The following CPA5 variants were observed in gnomAD, a reference collection of about 807,000 sequenced individuals.
The protein encoded by CPA5 is carboxypeptidase A5.
Under a neutral mutation model 52.2 loss-of-function variants are expected in CPA5, and 38 were observed. That is an observed-to-expected ratio of 0.73 (90% CI 0.56 to 0.95). The LOEUF is 0.95. Ranked by LOEUF, CPA5 falls within the 40% of genes least tolerant of loss-of-function variation. The pLI is 0.00. For missense variants in CPA5, 519 were observed against 566.7 expected (o/e 0.92, Z 0.86); for synonymous variants, 198 against 213.7 (o/e 0.93, Z 0.64).
chr7:130,350,203 A>T (rs1795045230), intron 5 of CPA5, 94 bp downstream of exon 5: 2 of 1,375,940 alleles, frequency 1.5e-6, no homozygotes, highest in East Asian at 4.7e-5. Flanking sequence ...AAAAGTGGAC[A>T]TGTGGTTTCT....
In CPA5 at chr7:130,362,484, G is replaced by T; in HGVS notation, c.581G>T (p.Gly194Val). ...SRHPAIWIDTGIHSREWITHA... is the reference protein window; with the variant it reads ...SRHPAIWIDTVIHSREWITHA... ...CACCCAGCCATCTGGATTGACACTG[G>T]AATTCACTCCCGGGAGTGGATCACC... Residue 194 changes from glycine to valine, a missense_variant, in exon 8 of 13, where the codon GGA becomes GTA. Physicochemically the swap from Gly to Val is moderately radical, Grantham distance 109. Coordinates refer to ENST00000474905, the MANE Select transcript of CPA5 (RefSeq NM_080385.5). The T allele has an allele frequency of 1.2e-6, 2 of 1,613,684 alleles. No homozygotes were observed. Among genetic ancestry groups the T allele is most frequent in the Non-Finnish European group, 8.5e-7 (1 of 1,179,708 alleles).
chr7:130,346,514 G>C lies in CPA5; in HGVS notation c.29G>C (p.Arg10Pro), dbSNP rs782246205. 1.2e-5 allele frequency: 19 copies of C among 1,613,598 alleles called. No homozygotes were observed. Among genetic ancestry groups the C allele is most frequent in the Non-Finnish European group, 1.5e-5 (18 of 1,179,870 alleles). Residue 10 changes from arginine (R) to proline (P), a missense_variant, in exon 3 of 13, where the codon CGC (arginine) becomes CCC (proline). Physicochemically the swap from Arg to Pro is moderately radical, Grantham distance 103. Coordinates refer to ENST00000474905, the MANE Select transcript of CPA5 (RefSeq NM_080385.5). MQGTPGGGT[R>P]PGPSPVDRRT... ...CAGGGCACCCCTGGAGGCGGGACGCGCCCTGGGCCATCCCCCGTGGACAGG... is the reference window on the plus strand; with the variant it reads ...CAGGGCACCCCTGGAGGCGGGACGCCCCCTGGGCCATCCCCCGTGGACAGG...
At chr7:130,371,501 C>T (rs905827029), downstream of CPA5, among the ~76,000 whole-genome samples, 70 of 152,056 alleles carry the variant, frequency 4.6e-4, no homozygotes, top group Admixed American at 3.3e-3. Context: ...TCACAGCCAG[C>T]TTGGCCAGAT....
chr7:130,353,161 C>T (rs1795275393), intron 5 of CPA5, among the ~76,000 whole-genome samples: 1 of 152,104 alleles, frequency 6.6e-6, no homozygotes, highest in African/African-American at 2.4e-5. Context: ...TCCCCTCCAG[C>T]CATCACCCCA....
intron 3 of CPA5, among the ~76,000 whole-genome samples, chr7:130,347,415 A>C (rs1794833782): frequency 1.3e-5 from 2 of 150,616 alleles, no homozygotes; most frequent in East Asian, 2.0e-4. Context: ...TCTCCCCTTC[A>C]TTCCTTTCAT....
At chr7:130,351,985 G>T (rs1440681137) in intron 5 of CPA5, among the ~76,000 whole-genome samples, 1 of 152,044 alleles carries the variant, frequency 6.6e-6, no homozygotes, top group Non-Finnish European at 1.5e-5. Flanking sequence ...TCCACGCTCC[G>T]TGTCAATCTT....
chr7:130,373,166 A>C (rs1584846576), downstream of CPA5, among the ~76,000 whole-genome samples: 1 of 152,222 alleles, frequency 6.6e-6, no homozygotes, highest in East Asian at 1.9e-4. Flanking sequence ...TTAGACACGC[A>C]AGTTGTAGAG....
intron 10 of CPA5, 23 bp from the exon 11 acceptor site, chr7:130,367,349 G>A (rs782530275): frequency 1.9e-6 from 3 of 1,610,708 alleles, no homozygotes; most frequent in Admixed American, 1.7e-5. Context: ...TTGACTCTTT[G>A]GGTGGCTTTA....
At chr7:130,356,810 C>T (rs1795500968) in intron 5 of CPA5, among the ~76,000 whole-genome samples, 1 of 152,174 alleles carries the variant, frequency 6.6e-6, no homozygotes, top group South Asian at 2.1e-4. Flanking sequence ...CCACTTTCAC[C>T]CCAACTTCAG....
At chr7:130,348,682 A>G (rs1794929939) in intron 4 of CPA5, among the ~76,000 whole-genome samples, 1 of 152,136 alleles carries the variant, frequency 6.6e-6, no homozygotes, top group East Asian at 1.9e-4. Context: ...TGCAATGAGT[A>G]TGAGTGAGGT....
At chr7:130,349,460 G>T (rs1794991720) in intron 4 of CPA5, among the ~76,000 whole-genome samples, 1 of 152,070 alleles carries the variant, frequency 6.6e-6, no homozygotes, top group South Asian at 2.1e-4. Flanking sequence ...TTTATTATAG[G>T]TCTGTCAAAA....
rs988106391 is a variant in CPA5, at chr7:130,349,259, C to A, written c.199-716C>A. ...ACCAGCCTGGCCAACATGGTGAAAC[C>A]CCTGTCTCTACTAAAAATACAAAAA... On this transcript the variant is annotated intron_variant, in intron 4 of 12. Coordinates refer to ENST00000474905, the MANE Select transcript of CPA5 (RefSeq NM_080385.5). Among the ~76,000 whole-genome samples, 3 of 152,044 alleles carry A rather than the reference C, an allele frequency of 2.0e-5. No homozygotes were observed. In the East Asian group the frequency reaches 5.8e-4, roughly 29 times the overall value.
intron 2 of CPA5, 24 bp downstream of exon 2, chr7:130,345,920 C>A (rs371791952): frequency 1.3e-5 from 2 of 152,268 alleles, no homozygotes; most frequent in Non-Finnish European, 2.9e-5. Context: ...GTATGATTAA[C>A]CCCATTTGAT....
chr7:130,359,752 C>T (rs1795692801), intron 6 of CPA5, 65 bp downstream of exon 6: 10 of 1,102,220 alleles, frequency 9.1e-6, no homozygotes, highest in Non-Finnish European at 1.2e-5. Flanking sequence ...TCTCCTGACT[C>T]AGTCAGAAAC....
downstream of CPA5, among the ~76,000 whole-genome samples, chr7:130,370,912 C>T (rs150547232): frequency 5.7e-3 from 869 of 152,288 alleles, 6 homozygotes; most frequent in African/African-American, 0.02. Flanking sequence ...TCCAGTCTTC[C>T]GGGGGGAGTT....
chr7:130,363,103 T>C, intron 9 of CPA5, 109 bp downstream of exon 9: 1 of 681,608 alleles, frequency 1.5e-6, no homozygotes, highest in Non-Finnish European at 2.5e-6. Flanking sequence ...GCAGAAGCCC[T>C]CACCAAGGGC....
downstream of CPA5, among the ~76,000 whole-genome samples, chr7:130,373,273 A>C (rs1311981416): frequency 6.7e-6 from 1 of 149,790 alleles, no homozygotes; most frequent in Non-Finnish European, 1.5e-5. Context: ...TTTTCAACAT[A>C]CTGCTTGCTG....
intron 12 of CPA5, 76 bp downstream of exon 12, chr7:130,368,066 T>A: frequency 7.3e-7 from 1 of 1,368,500 alleles, no homozygotes; most frequent in East Asian, 2.3e-5. Flanking sequence ...GCCAAGGATC[T>A]AGCTGTGCTG....
In CPA5 at chr7:130,346,552, G is replaced by A. The variant is rs782478769; in HGVS notation, c.67G>A (p.Val23Ile). ...CCCCGTGGACAGGCGGACACTCCTG[G>A]TCTTCAGCTTTATCCTGGCAGCAGC... ...PSPVDRRTLLVFSFILAAALG... is the reference protein window; with the variant it reads ...PSPVDRRTLLIFSFILAAALG... The change falls in exon 3 of 13, where the codon GTC (valine) becomes ATC (isoleucine). Residue 23 changes from valine to isoleucine, a missense_variant. Transcript: ENST00000474905. The A allele has an allele frequency of 1.2e-6, 2 of 1,614,086 alleles. No individual in the cohort carries two copies. The highest frequency in any genetic ancestry group is 1.3e-5 in the African/African-American group (1 of 75,064).
Sources: allele counts gnomAD v4.1 joint callset (sites outside exome capture counted in the v4.1 genomes callset), GRCh38; gene constraint gnomAD v4.1.1; transcripts MANE v1.5; gene names NCBI Gene and HGNC (gene_info 2026-07-23, HGNC 2026-07-21).